Variants in TP63 observed in about 807,000 individuals in gnomAD.
TP63 encodes tumor protein p63.
TP63 carries 17 observed loss-of-function variants against 82.8 expected under a neutral mutation model. That is an observed-to-expected ratio of 0.21 (90% CI 0.14 to 0.31). TP63 has a LOEUF of 0.31. TP63 is among the 10% of genes least tolerant of loss of function. TP63 has a pLI of 1.00. For missense variants in TP63, 648 were observed against 895.3 expected (o/e 0.72, Z 3.52); for synonymous variants, 330 against 321.7 (o/e 1.03, Z -0.28).
At chr3:189,764,538 G>A (rs900208893) in intron 3 of TP63, among the ~76,000 whole-genome samples, 1 of 152,200 alleles carries the variant, frequency 6.6e-6, no homozygotes, top group Non-Finnish European at 1.5e-5. Context: ...TGTCTACTTT[G>A]TGGACATAGG....
At chr3:189,651,808 G>T (rs1427131785) in intron 1 of TP63, among the ~76,000 whole-genome samples, 1 of 147,008 alleles carries the variant, frequency 6.8e-6, no homozygotes, top group East Asian at 2.4e-4. Context: ...ATGGTGCTCT[G>T]CGTCCCAGAT....
intron 3 of TP63, among the ~76,000 whole-genome samples, chr3:189,794,877 A>G (rs941096830): frequency 2.0e-5 from 3 of 151,990 alleles, no homozygotes; most frequent in Non-Finnish European, 4.4e-5. Flanking sequence ...GTTCTCTTGG[A>G]TCTTTGGAAG....
intron 1 of TP63, among the ~76,000 whole-genome samples, chr3:189,734,112 CTCTCTCTT>C (rs1267566713): frequency 6.8e-6 from 1 of 146,984 alleles, no homozygotes; most frequent in Non-Finnish European, 1.5e-5. Flanking sequence ...TTCTTTCTCT[CTCTCTCTT>C]TCTCTCTTTC....
At chr3:189,735,233 C>A (rs1005252528) in intron 1 of TP63, among the ~76,000 whole-genome samples, 1 of 152,178 alleles carries the variant, frequency 6.6e-6, no homozygotes, top group South Asian at 2.1e-4. Flanking sequence ...CCCCACGTGC[C>A]TTTTCTCATT....
chr3:189,600,047 G>A, the TP63 span, among the ~76,000 whole-genome samples: 65 of 152,174 alleles, frequency 4.3e-4, 1 homozygote, highest in East Asian at 9.3e-3. Context: ...ATAATATGTC[G>A]AAGAGGCAAA....
intron 4 of TP63, among the ~76,000 whole-genome samples, chr3:189,813,573 A>G (rs1318638356): frequency 6.7e-6 from 1 of 148,822 alleles, no homozygotes; most frequent in Non-Finnish European, 1.5e-5. Flanking sequence ...CTGTGTGCAT[A>G]CGCCATGAAA....
At chr3:189,667,817 G>T (rs1480444755) in intron 1 of TP63, among the ~76,000 whole-genome samples, 1 of 152,082 alleles carries the variant, frequency 6.6e-6, no homozygotes, top group African/African-American at 2.4e-5. Context: ...AATGTTTTCT[G>T]ACCCTGGTCC....
upstream of TP63, among the ~76,000 whole-genome samples, chr3:189,628,981 C>T (rs972070834): frequency 4.6e-5 from 7 of 152,212 alleles, no homozygotes; most frequent in South Asian, 1.5e-3. Flanking sequence ...TTCTGTTCCT[C>T]TTAGCTTAGT....
chr3:189,813,860 A>G (rs1727864251), intron 4 of TP63, among the ~76,000 whole-genome samples: 1 of 152,132 alleles, frequency 6.6e-6, no homozygotes, highest in South Asian at 2.1e-4. Flanking sequence ...TCTGACTCTG[A>G]TTGTTAACTG....
the TP63 span, among the ~76,000 whole-genome samples, chr3:189,606,949 C>G: frequency 6.6e-6 from 1 of 152,176 alleles, no homozygotes. Context: ...ACTATGACTT[C>G]TGTCATGCCA....
At chr3:189,880,161 C>A in intron 10 of TP63, 1 of 1,613,596 alleles carries the variant, frequency 6.2e-7, no homozygotes, top group South Asian at 1.1e-5. Context: ...GCCCCCAAAC[C>A]GATCAGTGTA....
chr3:189,861,614 G>T (rs1717051509), intron 4 of TP63, among the ~76,000 whole-genome samples: 2 of 152,136 alleles, frequency 1.3e-5, no homozygotes, highest in Non-Finnish European at 2.9e-5. Context: ...ATCACTTGCT[G>T]CCTCTCCCTA....
At chr3:189,686,549 G>A (rs7619796) in intron 1 of TP63, among the ~76,000 whole-genome samples, 9 of 151,370 alleles carry the variant, frequency 5.9e-5, no homozygotes, top group African/African-American at 2.2e-4. Flanking sequence ...ATGAACTACT[G>A]GAAAGAGACA....
In TP63 at chr3:189,872,851, T is replaced by C. The variant is rs1718600892; in HGVS notation, c.1213-8T>C. On this transcript the variant is annotated splice_region_variant and splice_polypyrimidine_tract_variant and intron_variant, in intron 9 of 13. Transcript: ENST00000264731. Reference sequence around the variant, plus strand: ...TGTTTCCTTCTTTCCTTCTGCTCACTTCCATAGGTGAGGGGCCGTGAGACT... The same window carrying C: ...TGTTTCCTTCTTTCCTTCTGCTCACCTCCATAGGTGAGGGGCCGTGAGACT... 1 of 1,614,186 alleles carries C rather than the reference T, an allele frequency of 6.2e-7. No homozygotes were observed. Among genetic ancestry groups the C allele is most frequent in the Non-Finnish European group, 8.5e-7 (1 of 1,180,006 alleles).
rs1488941700 is a variant in TP63, at chr3:189,682,552, AAATATATATATATATAT to A, written c.62+50977_62+50993del. Among the ~76,000 whole-genome samples the A allele has an allele frequency of 1.0e-3, 25 of 24,042 alleles. No individual in the cohort carries two copies. In the East Asian group the frequency reaches 0.014, roughly 14 times the overall value. The allele number at this position is 24,042 out of a possible 152,430, so 15.8% of individuals were successfully genotyped here. On this transcript the variant is annotated intron_variant, in intron 1 of 13. Coordinates refer to ENST00000264731, the MANE Select transcript of TP63 (RefSeq NM_003722.5). ...TCCTAAGGGGAAAAAAAAAAAAAAA[AAATATATATATATATAT>A]ATATATATATATATATATATATATA... is the stretch of plus-strand genomic sequence containing the variant.
intron 1 of TP63, among the ~76,000 whole-genome samples, chr3:189,708,257 C>T (rs549173158): frequency 6.6e-6 from 1 of 152,348 alleles, no homozygotes; most frequent in African/African-American, 2.4e-5. Flanking sequence ...CAAACAATGT[C>T]TCTGCCAGTA....
intron 3 of TP63, among the ~76,000 whole-genome samples, chr3:189,764,999 T>A (rs1234809423): frequency 1.3e-5 from 2 of 152,182 alleles, no homozygotes; most frequent in African/African-American, 4.8e-5. Context: ...CTGGGTGGGG[T>A]ATCAGATGAT....
the TP63 span, among the ~76,000 whole-genome samples, chr3:189,613,841 T>G: frequency 6.6e-6 from 1 of 152,210 alleles, no homozygotes; most frequent in Non-Finnish European, 1.5e-5. Flanking sequence ...ATTTTGGACT[T>G]GCATGGGCCC....
chr3:189,643,443 C>T (rs899064473), intron 1 of TP63, among the ~76,000 whole-genome samples: 4 of 120,630 alleles, frequency 3.3e-5, no homozygotes, highest in Admixed American at 9.5e-5. Context: ...AAAAGCTATC[C>T]TTTAAACTGA....
Sources: allele counts gnomAD v4.1 joint callset (sites outside exome capture counted in the v4.1 genomes callset), GRCh38; gene constraint gnomAD v4.1.1; transcripts MANE v1.5; gene names NCBI Gene and HGNC (gene_info 2026-07-23, HGNC 2026-07-21).